SULF1: variants seen among roughly 807,000 people sequenced by gnomAD.
SULF1 encodes sulfatase 1.
Under a neutral mutation model 110.5 loss-of-function variants are expected in SULF1, and 46 were observed. The ratio of observed to expected loss-of-function variants is 0.42; its 90% CI spans 0.33 to 0.53. The LOEUF is 0.53. SULF1 is among the 20% of genes least tolerant of loss of function. The pLI is 0.12. For synonymous variants in SULF1, 371 were observed against 387.1 expected, an observed-to-expected ratio of 0.96 and a Z score of 0.49; for missense variants, 941 against 1,094.2, an observed-to-expected ratio of 0.86 and a Z score of 1.98.
rs1352918546 is a variant in SULF1 at position 69,621,114 on chromosome 8, G to A, written c.1457G>A (p.Arg486Gln). Reference protein sequence around the residue: ...CKGPSDLLTVRQSTRNLYARG... With the variant: ...CKGPSDLLTVQQSTRNLYARG... ...GGACCCAGTGACCTGCTCACAGTCC[G>A]GCAGAGCACGCGGAACCTCTACGCT... Residue 486 changes from arginine to glutamine, a missense_variant, in exon 14 of 23, where the codon CGG becomes CAG. Transcript: ENST00000402687. 1.3e-5 allele frequency: 21 copies of A among 1,613,940 alleles called. No individual in the cohort carries two copies. The highest frequency in any genetic ancestry group is 1.6e-4 in the Middle Eastern group (1 of 6,084).
intron 3 of SULF1, among the ~76,000 whole-genome samples, chr8:69,504,868 T>A (rs1204945785): frequency 6.6e-6 from 1 of 152,160 alleles, no homozygotes; most frequent in Non-Finnish European, 1.5e-5. Context: ...GAAATGGATG[T>A]TTTTGGGTAT....
intron 5 of SULF1, among the ~76,000 whole-genome samples, chr8:69,575,051 G>T (rs1055345804): frequency 1.3e-5 from 2 of 152,188 alleles, no homozygotes; most frequent in African/African-American, 2.4e-5. Context: ...GAGGCTCCAA[G>T]ATTCAAATGC....
chr8:69,638,271 T>C lies in SULF1; in HGVS notation c.2285-231T>C, dbSNP rs1337560372. 9 of 502,854 alleles carry C rather than the reference T, an allele frequency of 1.8e-5. No homozygotes were observed. In the Admixed American group the frequency reaches 3.6e-4, roughly 20 times the overall value. The allele number at this position is 502,854 out of a possible 1,614,324, so 31.1% of individuals were successfully genotyped here. On this transcript the variant is annotated intron_variant, in intron 19 of 22. Transcript: ENST00000402687. ...AACTAATGTGCCTGAAATTTTACTT[T>C]AGTCTTCAGCCTATAAGAGATCACT...
chr8:69,631,608 A>G (rs549520999), intron 19 of SULF1, among the ~76,000 whole-genome samples: 1 of 152,312 alleles, frequency 6.6e-6, no homozygotes, highest in African/African-American at 2.4e-5. Flanking sequence ...AAAACCCCAT[A>G]TGCTCCTATC....
intron 3 of SULF1, among the ~76,000 whole-genome samples, chr8:69,540,683 G>A (rs1362446426): frequency 3.3e-5 from 5 of 152,160 alleles, no homozygotes; most frequent in African/African-American, 1.2e-4. Flanking sequence ...TGGTGACCAT[G>A]GTCAGGAGTG....
chr8:69,569,368 CAT>C (rs1420781244), intron 5 of SULF1, among the ~76,000 whole-genome samples: 1 of 151,938 alleles, frequency 6.6e-6, no homozygotes, highest in African/African-American at 2.4e-5. Flanking sequence ...ATATATATAA[CAT>C]ATAAAAAAAT....
At chr8:69,468,984 C>T (rs1430986932) in intron 1 of SULF1, among the ~76,000 whole-genome samples, 1 of 152,100 alleles carries the variant, frequency 6.6e-6, no homozygotes, top group Non-Finnish European at 1.5e-5. Context: ...AACAATTGTA[C>T]ACAGGATTAG....
intron 19 of SULF1, among the ~76,000 whole-genome samples, chr8:69,632,869 T>C (rs970163978): frequency 2.0e-5 from 3 of 151,508 alleles, no homozygotes; most frequent in African/African-American, 7.3e-5. Flanking sequence ...TACAAAAAAA[T>C]ACAAAAATTA....
At position 69,544,337 on chromosome 8, in the gene SULF1, C is replaced by T. The variant is rs933003670; in HGVS notation, c.-133-19202C>T. Among the ~76,000 whole-genome samples the T allele has an allele frequency of 5.9e-5, 9 of 151,904 alleles. No homozygotes were observed. The South Asian group carries it at 6.2e-4, about 11-fold the overall frequency. On this transcript the variant is annotated intron_variant, in intron 3 of 22. Coordinates refer to ENST00000402687, the MANE Select transcript of SULF1 (RefSeq NM_001128205.2). ...AGGTTGGAGTACAGTGCCACGATCT[C>T]GGCTCACTACAACCTCTACCTCCCG...
At chr8:69,488,845 C>A (rs747808003), upstream of SULF1, among the ~76,000 whole-genome samples, 9 of 151,990 alleles carry the variant, frequency 5.9e-5, no homozygotes, top group Non-Finnish European at 1.2e-4. Flanking sequence ...ACAGAGTGGA[C>A]AAGCAGAGGC....
chr8:69,528,777 C>T (rs1284880350), intron 3 of SULF1, among the ~76,000 whole-genome samples: 1 of 152,126 alleles, frequency 6.6e-6, no homozygotes, highest in African/African-American at 2.4e-5. Context: ...GGCAAGATAG[C>T]TGAGGAACCA....
chr8:69,580,273 T>A (rs542579760), intron 6 of SULF1, among the ~76,000 whole-genome samples: 1 of 152,178 alleles, frequency 6.6e-6, no homozygotes, highest in Non-Finnish European at 1.5e-5. Context: ...GATTGGATTA[T>A]ATATCATAAA....
At chr8:69,530,306 CATT>C (rs965341977) in intron 3 of SULF1, among the ~76,000 whole-genome samples, 4 of 152,110 alleles carry the variant, frequency 2.6e-5, no homozygotes, top group African/African-American at 9.7e-5. Flanking sequence ...CCTACATATT[CATT>C]CAGTTATCTG....
In SULF1 at chr8:69,598,636, C is replaced by T. The variant is rs141617424; in HGVS notation, c.735-1967C>T. Among the ~76,000 whole-genome samples, 531 of 152,286 alleles carry T rather than the reference C, an allele frequency of 3.5e-3. 2 individuals are homozygous for T. Among genetic ancestry groups the T allele is most frequent in the African/African-American group, 0.012 (513 of 41,554 alleles). On this transcript the variant is annotated intron_variant, in intron 8 of 22. Transcript: ENST00000402687. ...CGAACTCCTGACCTCAGGTGATTCA[C>T]CCGCCTGGGCCTTCCAAAATGCTGG...
chr8:69,659,649 T>C lies in SULF1; in HGVS notation c.*1114T>C, dbSNP rs187129161. 3.2e-3 allele frequency: 513 copies of C among 160,662 alleles called. 3 individuals are homozygous for C. Among genetic ancestry groups the C allele is most frequent in the Middle Eastern group, 0.023 (7 of 302 alleles). The allele number at this position is 160,662 out of a possible 1,614,324, so 10.0% of individuals were successfully genotyped here. A position where few individuals can be genotyped will look rare whatever the true frequency, so the allele number is the denominator to read the frequency against. On this transcript the variant is annotated 3_prime_UTR_variant, in exon 23 of 23. Coordinates refer to ENST00000402687, the MANE Select transcript of SULF1 (RefSeq NM_001128205.2). ...ATACATGTTATCCAATCAAGATGGC[T>C]AGAATGGTGCCTTTCTGAGTGTCTA...
At chr8:69,526,919 C>T (rs898278956) in intron 3 of SULF1, among the ~76,000 whole-genome samples, 9 of 151,992 alleles carry the variant, frequency 5.9e-5, no homozygotes, top group Non-Finnish European at 1.2e-4. Context: ...GAGTTTCACT[C>T]GGGTTACAGG....
chr8:69,612,547 T>C (rs1808746383), intron 13 of SULF1, among the ~76,000 whole-genome samples: 1 of 151,104 alleles, frequency 6.6e-6, no homozygotes. Context: ...ATAGCCATGC[T>C]TGCAGGAATA....
At chr8:69,515,457 A>T (rs1811866095) in intron 3 of SULF1, among the ~76,000 whole-genome samples, 1 of 152,088 alleles carries the variant, frequency 6.6e-6, no homozygotes. Context: ...CTGGCCCATG[A>T]AACCATTTTT....
chr8:69,489,429 A>G (rs1586208345), upstream of SULF1, among the ~76,000 whole-genome samples: 1 of 151,942 alleles, frequency 6.6e-6, no homozygotes, highest in Non-Finnish European at 1.5e-5. Flanking sequence ...GACAAATTAC[A>G]TCTTTAACTC....
Sources: allele counts gnomAD v4.1 joint callset (sites outside exome capture counted in the v4.1 genomes callset), GRCh38; gene constraint gnomAD v4.1.1; transcripts MANE v1.5; gene names NCBI Gene and HGNC (gene_info 2026-07-23, HGNC 2026-07-21).